The following SBF2 variants were observed in gnomAD, a reference collection of about 807,000 sequenced individuals.
SBF2 encodes the protein myotubularin-related protein 13.
Under a neutral mutation model 225.2 loss-of-function variants are expected in SBF2, and 112 were observed. The ratio of observed to expected loss-of-function variants is 0.50; its 90% CI spans 0.43 to 0.58. SBF2 has a LOEUF of 0.58. Among genes scored for constraint, SBF2 ranks in the 20% least tolerant of loss-of-function variants. The pLI is 0.00. For missense variants in SBF2, 1,996 were observed against 2,206.2 expected (o/e 0.90, Z 1.91); for synonymous variants, 763 against 773.3 (o/e 0.99, Z 0.22).
intron 2 of SBF2, among the ~76,000 whole-genome samples, chr11:10,159,086 G>C (rs1272622344): frequency 2.0e-5 from 3 of 150,580 alleles, no homozygotes; most frequent in African/African-American, 4.9e-5. Flanking sequence ...TAACATCAGA[G>C]ACAAGCAATT....
In SBF2 at chr11:10,178,125, A is replaced by T. The variant is rs1284405667; in HGVS notation, c.141+15777T>A. ...CTCTATTTAATAAATGGTGCTGGGA[A>T]AACTGGCTAGCCATATGTAGAAAGC... On this transcript the variant is annotated intron_variant, in intron 2 of 39. Transcript: ENST00000256190. 4.1e-5 allele frequency among the ~76,000 whole-genome samples: 6 copies of T among 147,092 alleles called. 1 individual carries two copies. In the South Asian group the frequency reaches 1.1e-3, roughly 26 times the overall value.
intron 13 of SBF2, among the ~76,000 whole-genome samples, chr11:9,988,605 C>A (rs961652083): frequency 2.0e-5 from 3 of 152,058 alleles, no homozygotes; most frequent in Admixed American, 6.6e-5. Context: ...CACGAATAGA[C>A]AATTCTCAAA....
At chr11:9,849,509 T>C (rs1004774866) in intron 22 of SBF2, among the ~76,000 whole-genome samples, 2 of 152,146 alleles carry the variant, frequency 1.3e-5, no homozygotes, top group Non-Finnish European at 2.9e-5. Context: ...AAACAGAAGT[T>C]ATAGGAGTTT....
At chr11:9,844,032 G>A (rs1223173400) in intron 24 of SBF2, among the ~76,000 whole-genome samples, 5 of 152,204 alleles carry the variant, frequency 3.3e-5, no homozygotes, top group African/African-American at 1.2e-4. Context: ...ATATATTTCT[G>A]AAACTAATAT....
chr11:10,287,221 C>A (rs1207736553), intron 1 of SBF2, among the ~76,000 whole-genome samples: 3 of 152,174 alleles, frequency 2.0e-5, no homozygotes, highest in South Asian at 4.1e-4. Flanking sequence ...AGAAAGGGAA[C>A]TGACTACAAA....
chr11:10,246,824 C>T (rs1229859046), intron 1 of SBF2, among the ~76,000 whole-genome samples: 2 of 152,164 alleles, frequency 1.3e-5, no homozygotes, highest in African/African-American at 4.8e-5. Flanking sequence ...CCTGTAATCT[C>T]ACCACTTTGG....
At chr11:9,990,916 CA>C (rs1947407141) in intron 12 of SBF2, among the ~76,000 whole-genome samples, 1 of 152,064 alleles carries the variant, frequency 6.6e-6, no homozygotes, top group Admixed American at 6.6e-5. Flanking sequence ...GAAAGACCTA[CA>C]AAAATAGAGG....
chr11:9,796,157 G>T (rs928141968), intron 32 of SBF2, among the ~76,000 whole-genome samples, 200 bp from the exon 33 acceptor site: 6 of 145,430 alleles, frequency 4.1e-5, no homozygotes, highest in East Asian at 2.0e-4. Context: ...CCAGACGAGG[G>T]TTTTTTTTTT....
At chr11:9,786,527 C>T (rs948734148) in intron 36 of SBF2, among the ~76,000 whole-genome samples, 1 of 151,954 alleles carries the variant, frequency 6.6e-6, no homozygotes, top group African/African-American at 2.4e-5. Flanking sequence ...CTTTTTTTAC[C>T]ACAAAGGTTT....
intron 17 of SBF2, among the ~76,000 whole-genome samples, chr11:9,885,789 T>A (rs1465741368): frequency 6.6e-6 from 1 of 152,182 alleles, no homozygotes; most frequent in Non-Finnish European, 1.5e-5. Flanking sequence ...AGGAATTATT[T>A]GATGGTCCTG....
chr11:10,288,960 C>A (rs1963980124), intron 1 of SBF2, among the ~76,000 whole-genome samples: 1 of 152,174 alleles, frequency 6.6e-6, no homozygotes, highest in Admixed American at 6.5e-5. Context: ...TCACCAGAGA[C>A]CTGCCCCCTT....
intron 17 of SBF2, among the ~76,000 whole-genome samples, chr11:9,872,347 T>G (rs758811674): frequency 1.3e-5 from 2 of 152,178 alleles, no homozygotes; most frequent in Non-Finnish European, 2.9e-5. Flanking sequence ...TAATGGATGC[T>G]GGGCTTAATA....
At chr11:9,809,037 G>A (rs749182258) in intron 30 of SBF2, 35 bp from the exon 31 acceptor site, 6 of 1,552,712 alleles carry the variant, frequency 3.9e-6, no homozygotes, top group Non-Finnish European at 5.3e-6. Context: ...ATTAGACCAA[G>A]CGCTTTCTGA....
At chr11:10,299,595 C>A (rs1964576979) in intron 1 of SBF2, among the ~76,000 whole-genome samples, 1 of 152,186 alleles carries the variant, frequency 6.6e-6, no homozygotes, top group Non-Finnish European at 1.5e-5. Flanking sequence ...AATTTCAAAA[C>A]AGCTTCAGCA....
At chr11:10,003,760 T>C (rs1055449190) in intron 6 of SBF2, among the ~76,000 whole-genome samples, 18 of 152,108 alleles carry the variant, frequency 1.2e-4, no homozygotes, top group African/African-American at 4.1e-4. Flanking sequence ...ATTTATAAAC[T>C]CTTTTTCTAT....
chr11:10,258,671 G>A (rs1450968177), intron 1 of SBF2, among the ~76,000 whole-genome samples: 8 of 152,192 alleles, frequency 5.3e-5, no homozygotes, highest in African/African-American at 1.9e-4. Context: ...GCCACGCTGA[G>A]GGCCAGTGAC....
Position 10,031,186 on chromosome 11 carries a change from C to T in SBF2, c.280-16G>A. 6.2e-7 allele frequency: 1 copy of T among 1,612,478 alleles called. No individual in the cohort carries two copies. Among genetic ancestry groups the T allele is most frequent in the Admixed American group, 1.7e-5 (1 of 59,980 alleles). On this transcript the variant is annotated splice_polypyrimidine_tract_variant and intron_variant, in intron 3 of 39. Transcript: ENST00000256190. ...TCTTTGTTCCCTAGAAAAAGAGACACTGAAATCAACAAACAGAAGGGATTT... is the reference window on the plus strand; with the variant it reads ...TCTTTGTTCCCTAGAAAAAGAGACATTGAAATCAACAAACAGAAGGGATTT...
At chr11:9,868,666 A>G (rs978006289) in intron 17 of SBF2, among the ~76,000 whole-genome samples, 5 of 152,210 alleles carry the variant, frequency 3.3e-5, no homozygotes, top group Non-Finnish European at 7.4e-5. Flanking sequence ...CATCAATTTT[A>G]TTCTAGTTTC....
intron 6 of SBF2, among the ~76,000 whole-genome samples, chr11:10,013,713 T>C (rs1434418198): frequency 6.6e-6 from 1 of 152,208 alleles, no homozygotes; most frequent in African/African-American, 2.4e-5. Flanking sequence ...CACGTAAATA[T>C]CTCATCTCTC....
Sources: gnomAD v4.1 joint callset for allele counts (sites outside exome capture counted in the v4.1 genomes callset) on GRCh38, gnomAD v4.1.1 for gene constraint, MANE v1.5 for transcripts, NCBI Gene and HGNC (gene_info 2026-07-23, HGNC 2026-07-21) for gene names.